NXPH1: variants seen among roughly 807,000 people sequenced by gnomAD.
NXPH1 encodes neurexophilin-1.
A neutral mutation model predicts 23.7 loss-of-function variants in NXPH1; 5 were observed. The observed-to-expected ratio is 0.21, with a 90% CI of 0.11 to 0.44. NXPH1 has a LOEUF of 0.44. Among genes scored for constraint, NXPH1 ranks in the 20% least tolerant of loss-of-function variants. NXPH1 has a pLI of 0.99. For synonymous variants in NXPH1, 144 were observed against 122.2 expected (o/e 1.18, Z -1.18); for missense variants, 324 against 321.6 (o/e 1.01, Z -0.06).
chr7:8,696,556 G>T (rs1233658576), intron 2 of NXPH1, among the ~76,000 whole-genome samples: 1 of 152,152 alleles, frequency 6.6e-6, no homozygotes, highest in Non-Finnish European at 1.5e-5. Flanking sequence ...ACGGACACCT[G>T]AATGATAGGC....
intron 2 of NXPH1, among the ~76,000 whole-genome samples, chr7:8,571,746 A>G (rs1165387860): frequency 6.6e-6 from 1 of 151,938 alleles, no homozygotes; most frequent in Non-Finnish European, 1.5e-5. Context: ...GCATAAAAAT[A>G]AAACCGTAAG....
chr7:8,470,150 G>C (rs567783996), intron 2 of NXPH1, among the ~76,000 whole-genome samples: 1 of 152,230 alleles, frequency 6.6e-6, no homozygotes, highest in South Asian at 2.1e-4. Context: ...TAAGCATCTA[G>C]AGTTGGCCAT....
chr7:8,458,283 G>A (rs1415502923), intron 2 of NXPH1, among the ~76,000 whole-genome samples: 1 of 152,142 alleles, frequency 6.6e-6, no homozygotes, highest in African/African-American at 2.4e-5. Context: ...ATTTTCTCAG[G>A]CAGTTCCATA....
chr7:8,443,052 G>C (rs1816329446), intron 2 of NXPH1, among the ~76,000 whole-genome samples: 2 of 152,208 alleles, frequency 1.3e-5, no homozygotes, highest in Non-Finnish European at 2.9e-5. Flanking sequence ...CTGCCGCTCC[G>C]GCTGGGTCCT....
chr7:8,728,214 C>G (rs746535116), intron 2 of NXPH1, among the ~76,000 whole-genome samples: 1 of 152,272 alleles, frequency 6.6e-6, no homozygotes, highest in Admixed American at 6.5e-5. Context: ...GCTGAAGTTG[C>G]TTATCAGCTT....
At chr7:8,717,905 T>TATATAC (rs1379921583) in intron 2 of NXPH1, among the ~76,000 whole-genome samples, 1 of 150,904 alleles carries the variant, frequency 6.6e-6, no homozygotes. Flanking sequence ...TATATATATA[T>TATATAC]ATATATACAC....
rs374798133 is a variant in NXPH1, at chr7:8,490,755, G to T, written c.54+54988G>T. On this transcript the variant is annotated intron_variant, in intron 2 of 2. Transcript: ENST00000405863. ...GCAATAAATATTTAAGGGGGAAGGA[G>T]ACAAAATATTTAAGTGATTCTAAAG... Among the ~76,000 whole-genome samples, 8 of 152,094 alleles carry T rather than the reference G, an allele frequency of 5.3e-5. No homozygotes were observed. In the South Asian group the frequency reaches 8.3e-4, roughly 16 times the overall value.
intron 2 of NXPH1, among the ~76,000 whole-genome samples, chr7:8,538,761 ATGT>A (rs948298021): frequency 6.6e-5 from 10 of 152,040 alleles, no homozygotes; most frequent in Middle Eastern, 6.8e-3. Flanking sequence ...ATCAATTCAA[ATGT>A]TGACTGGAGA....
rs139555491 is a variant in NXPH1, at chr7:8,739,037, G to T, written c.55-11971G>T. Among the ~76,000 whole-genome samples, 801 of 152,150 alleles carry T rather than the reference G, an allele frequency of 5.3e-3. 6 individuals are homozygous for T. The highest frequency in any genetic ancestry group is 0.018 in the African/African-American group (748 of 41,526). On this transcript the variant is annotated intron_variant, in intron 2 of 2. Transcript: ENST00000405863. Reference sequence around the variant, plus strand: ...GCTGTGCTGGCAGCAAGAATTTCAAGCCAGTGGATCTTAGCTTGCTGGGCT... The same window carrying T: ...GCTGTGCTGGCAGCAAGAATTTCAATCCAGTGGATCTTAGCTTGCTGGGCT...
At chr7:8,688,874 C>A (rs569364425) in intron 2 of NXPH1, among the ~76,000 whole-genome samples, 9 of 152,170 alleles carry the variant, frequency 5.9e-5, no homozygotes, top group Non-Finnish European at 1.3e-4. Flanking sequence ...AGCTTTCAGG[C>A]ACATCCTTCT....
intron 2 of NXPH1, among the ~76,000 whole-genome samples, chr7:8,564,841 T>C (rs1354440802): frequency 6.6e-6 from 1 of 151,818 alleles, no homozygotes; most frequent in Non-Finnish European, 1.5e-5. Context: ...TAACAGTCTT[T>C]GCTGGAAATA....
intron 2 of NXPH1, among the ~76,000 whole-genome samples, chr7:8,672,181 C>T (rs919042350): frequency 2.0e-4 from 30 of 152,218 alleles, no homozygotes; most frequent in Middle Eastern, 3.4e-3. Context: ...TTTGTAGGGA[C>T]ATGGATGAAA....
chr7:8,463,359 C>T lies in NXPH1; in HGVS notation c.54+27592C>T, dbSNP rs1294980701. Among the ~76,000 whole-genome samples, 3 of 150,086 alleles carry T rather than the reference C, an allele frequency of 2.0e-5. No individual in the cohort carries two copies. The East Asian group carries it at 5.9e-4, about 29-fold the overall frequency. On this transcript the variant is annotated intron_variant, in intron 2 of 2. Transcript: ENST00000405863. ...TGAACTGTAATTTACTTATTGAAGT[C>T]CTCAAATAGACATTTATATTTTTTA...
rs374912871 is a variant in NXPH1 at position 8,468,044 on chromosome 7, T to C, written c.54+32277T>C. On this transcript the variant is annotated intron_variant, in intron 2 of 2. Transcript: ENST00000405863. ...CGCAAAAAGAAAAATTTGTGATCCA[T>C]CCATACTCCATTTAAATAAAGCAAG... is the stretch of plus-strand genomic sequence containing the variant. Among the ~76,000 whole-genome samples the C allele has an allele frequency of 1.3e-4, 20 of 152,214 alleles. No homozygotes were observed. In the East Asian group the frequency reaches 3.9e-3, roughly 29 times the overall value.
At chr7:8,518,995 G>C (rs1208634720) in intron 2 of NXPH1, among the ~76,000 whole-genome samples, 4 of 152,000 alleles carry the variant, frequency 2.6e-5, no homozygotes, top group African/African-American at 9.7e-5. Context: ...TGAGGAGATT[G>C]TATCTTTATG....
intron 2 of NXPH1, among the ~76,000 whole-genome samples, chr7:8,545,138 T>A (rs1015320075): frequency 6.6e-6 from 1 of 151,472 alleles, no homozygotes; most frequent in Admixed American, 6.6e-5. Flanking sequence ...GGGTCCAAAA[T>A]AAAGGAAGAG....
At chr7:8,553,139 T>C (rs1196777047) in intron 2 of NXPH1, among the ~76,000 whole-genome samples, 5 of 151,544 alleles carry the variant, frequency 3.3e-5, no homozygotes, top group Non-Finnish European at 5.9e-5. Context: ...ATTGTGCAGA[T>C]TCTCTTTGGC....
chr7:8,631,646 A>G (rs762955646), intron 2 of NXPH1, among the ~76,000 whole-genome samples: 2 of 152,152 alleles, frequency 1.3e-5, no homozygotes, highest in Admixed American at 1.3e-4. Flanking sequence ...TATTCTTAGT[A>G]TGTCCACGAA....
At chr7:8,729,807 G>C (rs1780118149) in intron 2 of NXPH1, among the ~76,000 whole-genome samples, 1 of 152,080 alleles carries the variant, frequency 6.6e-6, no homozygotes, top group African/African-American at 2.4e-5. Flanking sequence ...TGAAATAAAT[G>C]TATATTCTGT....
Sources: allele counts gnomAD v4.1 joint callset (sites outside exome capture counted in the v4.1 genomes callset), GRCh38; gene constraint gnomAD v4.1.1; transcripts MANE v1.5; gene names NCBI Gene and HGNC (gene_info 2026-07-23, HGNC 2026-07-21).